The following MON2 variants were observed in gnomAD, a reference collection of about 807,000 sequenced individuals.
The protein encoded by MON2 is protein MON2 homolog.
MON2 carries 84 observed loss-of-function variants against 208.6 expected under a neutral mutation model. That is an observed-to-expected ratio of 0.40 (90% confidence interval 0.34 to 0.48). MON2 has a LOEUF of 0.48. Among genes scored for constraint, MON2 ranks in the 20% least tolerant of loss-of-function variants. MON2 has a pLI of 0.59. For synonymous variants in MON2, 660 were observed against 694.0 expected, an observed-to-expected ratio of 0.95 and a Z score of 0.77; for missense variants, 1,611 against 2,015.4, an observed-to-expected ratio of 0.80 and a Z score of 3.84.
At chr12:62,491,930 A>G (rs567660633) in intron 2 of MON2, among the ~76,000 whole-genome samples, 3 of 152,326 alleles carry the variant, frequency 2.0e-5, no homozygotes, top group African/African-American at 7.2e-5. Flanking sequence ...AAGCTTTATG[A>G]GGAGCTTTAT....
At chr12:62,511,795 CAAAG>C (rs1289059220) in intron 8 of MON2, among the ~76,000 whole-genome samples, 1 of 152,178 alleles carries the variant, frequency 6.6e-6, no homozygotes, top group Non-Finnish European at 1.5e-5. Context: ...TTCTACACCT[CAAAG>C]AAAGAAGCCA....
intron 29 of MON2, among the ~76,000 whole-genome samples, chr12:62,571,084 T>G (rs1434148397): frequency 6.6e-6 from 1 of 152,166 alleles, no homozygotes; most frequent in Non-Finnish European, 1.5e-5. Context: ...TTGTGTTTCC[T>G]TCTCTTAACT....
intron 1 of MON2, among the ~76,000 whole-genome samples, chr12:62,471,674 A>G (rs1415304514): frequency 6.6e-6 from 1 of 152,296 alleles, no homozygotes; most frequent in East Asian, 1.9e-4. Flanking sequence ...TAGAGTGAGA[A>G]TATCAGGACT....
rs2074169238 is a variant in MON2, at chr12:62,560,749, G to A, written c.3668G>A (p.Ser1223Asn). ...DSIGEKLGRY[S>N]SSEPPIVTDE... is the part of the protein sequence containing the mutation. ...ATTGGAGAAAAACTAGGAAGATATA[G>A]TAGCTCTGAGCCACCCATTGTTACT... Residue 1223 changes from serine (S) to asparagine (N), a missense_variant, in exon 26 of 35, where the codon AGT (serine) becomes AAT (asparagine). By Grantham distance (46) the Ser-to-Asn change is conservative. Coordinates refer to ENST00000393630, the MANE Select transcript of MON2 (RefSeq NM_015026.3). 6.2e-7 allele frequency: 1 copy of A among 1,614,136 alleles called. No homozygotes were observed. Among genetic ancestry groups the A allele is most frequent in the Non-Finnish European group, 8.5e-7 (1 of 1,180,008 alleles).
At chr12:62,523,339 C>G (rs2072161437) in intron 8 of MON2, among the ~76,000 whole-genome samples, 1 of 152,100 alleles carries the variant, frequency 6.6e-6, no homozygotes, top group Admixed American at 6.5e-5. Context: ...ATATTTTCAT[C>G]CTTTATTTAT....
chr12:62,534,030 C>T (rs577535951), intron 12 of MON2, among the ~76,000 whole-genome samples: 11 of 152,274 alleles, frequency 7.2e-5, no homozygotes, highest in African/African-American at 2.2e-4. Flanking sequence ...TGTTACACTG[C>T]GCCCTGCCCT....
chr12:62,565,161 A>T, intron 26 of MON2, 76 bp from the exon 27 acceptor site: 1 of 1,412,016 alleles, frequency 7.1e-7, no homozygotes, highest in Non-Finnish European at 9.8e-7. Flanking sequence ...TTCTGTGGTT[A>T]AACAAATATA....
chr12:62,527,561 T>C (rs186304906), intron 11 of MON2, among the ~76,000 whole-genome samples: 23 of 152,304 alleles, frequency 1.5e-4, no homozygotes, highest in Non-Finnish European at 2.6e-4. Context: ...AGACATTAAT[T>C]ATCTAGTTCA....
At chr12:62,547,121 A>G (rs1192530364) in intron 22 of MON2, 49 bp downstream of exon 22, 1 of 1,184,212 alleles carries the variant, frequency 8.4e-7, no homozygotes, top group Non-Finnish European at 1.1e-6. Context: ...AAAATAAAAT[A>G]TAAATAAAAT....
intron 23 of MON2, among the ~76,000 whole-genome samples, chr12:62,550,061 T>C (rs1416731340): frequency 6.6e-6 from 1 of 152,204 alleles, no homozygotes; most frequent in African/African-American, 2.4e-5. Context: ...ACAGGGTTTG[T>C]CATGAAAGGG....
At chr12:62,513,308 C>T (rs182176830) in intron 8 of MON2, among the ~76,000 whole-genome samples, 2 of 152,182 alleles carry the variant, frequency 1.3e-5, no homozygotes, top group Non-Finnish European at 2.9e-5. Flanking sequence ...TCACTGCAAC[C>T]TCCGCCTCCT....
chr12:62,557,261 G>T lies in MON2; in HGVS notation c.3409+1069G>T, dbSNP rs188187048. On this transcript the variant is annotated intron_variant, in intron 25 of 34. Transcript: ENST00000393630. ...AGGATGACAGGATGTTGTTGGACTGGTTAGGAAGCTGTTGGTTGTGTATAT... is the reference window on the plus strand; with the variant it reads ...AGGATGACAGGATGTTGTTGGACTGTTTAGGAAGCTGTTGGTTGTGTATAT... 3.3e-5 allele frequency among the ~76,000 whole-genome samples: 5 copies of T among 152,318 alleles called. No individual in the cohort carries two copies. The East Asian group carries it at 9.6e-4, about 29-fold the overall frequency.
chr12:62,524,692 G>A (rs2072244092), intron 9 of MON2, 53 bp downstream of exon 9: 2 of 1,520,554 alleles, frequency 1.3e-6, no homozygotes, highest in Non-Finnish European at 1.8e-6. Context: ...TTATTAACCT[G>A]TAAACTAACC....
At position 62,550,377 on chromosome 12, in the gene MON2, C is replaced by T. The variant is rs188550763; in HGVS notation, c.2916+547C>T. Among the ~76,000 whole-genome samples, 7 of 152,108 alleles carry T rather than the reference C, an allele frequency of 4.6e-5. No individual in the cohort carries two copies. In the East Asian group the frequency reaches 1.4e-3, roughly 29 times the overall value. On this transcript the variant is annotated intron_variant, in intron 23 of 34. Coordinates refer to ENST00000393630, the MANE Select transcript of MON2 (RefSeq NM_015026.3). ...GACTCCCATCTCTACTAAAAATTAG[C>T]TGTGTATGGTGGTGCACACCTGTAG...
intron 34 of MON2, among the ~76,000 whole-genome samples, chr12:62,591,142 G>A (rs1447051181): frequency 6.6e-6 from 1 of 151,622 alleles, no homozygotes; most frequent in Non-Finnish European, 1.5e-5. Flanking sequence ...AAGTTTCACA[G>A]GAGACAACTG....
intron 8 of MON2, among the ~76,000 whole-genome samples, chr12:62,516,704 C>CTAAA (rs972010593): frequency 5.2e-4 from 79 of 151,874 alleles, no homozygotes; most frequent in East Asian, 1.7e-3. Context: ...AACTCCATCT[C>CTAAA]TAAATAAATA....
At position 62,599,830 on chromosome 12, in the gene MON2, G is replaced by A. The variant is rs1477877362; in HGVS notation, c.*7081G>A. 2 of 152,110 alleles carry A rather than the reference G, an allele frequency of 1.3e-5. No homozygotes were observed. The highest frequency in any genetic ancestry group is 4.8e-5 in the African/African-American group (2 of 41,412). The allele number at this position is 152,110 out of a possible 1,614,324, so 9.4% of individuals were successfully genotyped here. On this transcript the variant is annotated 3_prime_UTR_variant, in exon 35 of 35. Coordinates refer to ENST00000393630, the MANE Select transcript of MON2 (RefSeq NM_015026.3). ...TTACTATTTCTATGATGGGCACTGG[G>A]ACAAATATACTTGAACATAACAAAG...
intron 9 of MON2, 116 bp from the exon 10 acceptor site, chr12:62,524,965 TGAA>T: frequency 1.1e-6 from 1 of 890,728 alleles, no homozygotes; most frequent in South Asian, 2.0e-5. Flanking sequence ...TGAGTTGTAA[TGAA>T]GAATGTTTTA....
intron 1 of MON2, among the ~76,000 whole-genome samples, chr12:62,478,291 A>C (rs150547023): frequency 0.01 from 1,598 of 152,326 alleles, 7 homozygotes; most frequent in Middle Eastern, 0.027. Flanking sequence ...TATCTTTATT[A>C]TTCTTATAGG....
Sources: gnomAD v4.1 joint callset for allele counts (sites outside exome capture counted in the v4.1 genomes callset) on GRCh38, gnomAD v4.1.1 for gene constraint, MANE v1.5 for transcripts, NCBI Gene and HGNC (gene_info 2026-07-23, HGNC 2026-07-21) for gene names.